Variants in PTPRM observed in about 807,000 individuals in gnomAD.
PTPRM encodes the protein protein tyrosine phosphatase receptor type M.
A neutral mutation model predicts 186.7 loss-of-function variants in PTPRM; 47 were observed. The observed-to-expected ratio is 0.25, with a 90% CI of 0.20 to 0.32. The LOEUF (loss-of-function observed/expected upper bound fraction) is 0.32, where lower values mean the gene tolerates loss of function less well. PTPRM is among the 10% of genes least tolerant of loss of function. PTPRM has a pLI of 1.00. For missense variants in PTPRM, 1,494 were observed against 1,865.0 expected (o/e 0.80, Z 3.66); for synonymous variants, 668 against 674.9 (o/e 0.99, Z 0.16).
chr18:8,398,998 A>G (rs2095858489), intron 32 of PTPRM, among the ~76,000 whole-genome samples: 1 of 152,218 alleles, frequency 6.6e-6, no homozygotes, highest in Non-Finnish European at 1.5e-5. Context: ...AAATATACTG[A>G]AAACCACTGA....
intron 31 of PTPRM, among the ~76,000 whole-genome samples, chr18:8,390,935 A>AAATAATAATAATAATAAT (rs71356213): frequency 3.5e-5 from 5 of 143,376 alleles, no homozygotes; most frequent in South Asian, 2.2e-4. Context: ...CTCAAAAAGA[A>AAATAATAATAATAATAAT]AATAATAATA....
chr18:7,788,616 C>G (rs567428659), intron 2 of PTPRM, among the ~76,000 whole-genome samples: 1 of 152,054 alleles, frequency 6.6e-6, no homozygotes, highest in African/African-American at 2.4e-5. Flanking sequence ...CAAAATGATA[C>G]AAAGGTGGCT....
chr18:7,718,378 G>T (rs1264709938), intron 1 of PTPRM, among the ~76,000 whole-genome samples: 1 of 152,092 alleles, frequency 6.6e-6, no homozygotes, highest in Non-Finnish European at 1.5e-5. Flanking sequence ...AATGAAAGTG[G>T]ATCCTCATCT....
At position 7,882,319 on chromosome 18, in the gene PTPRM, T is replaced by A. The variant is rs73941024; in HGVS notation, c.197-5787T>A. On this transcript the variant is annotated intron_variant, in intron 2 of 32. Transcript: ENST00000580170. ...CTGAGATGCACTGGACTTTTTTTTT[T>A]AAAAAAACAACAACAACTGGTTTTT... 4.7e-3 allele frequency among the ~76,000 whole-genome samples: 709 copies of A among 151,952 alleles called. 5 individuals are homozygous for A. The highest frequency in any genetic ancestry group is 0.014 in the South Asian group (69 of 4,792).
intron 2 of PTPRM, among the ~76,000 whole-genome samples, chr18:7,827,151 A>G (rs1449391893): frequency 6.6e-6 from 1 of 152,188 alleles, no homozygotes; most frequent in Non-Finnish European, 1.5e-5. Context: ...TGTTCAGGGC[A>G]CTAAGGTTTG....
chr18:7,667,059 G>C (rs1174330474), intron 1 of PTPRM, among the ~76,000 whole-genome samples: 12 of 152,214 alleles, frequency 7.9e-5, no homozygotes. Context: ...ATTAAGCACA[G>C]TTACTTGACT....
At chr18:7,906,439 A>G (rs2049987390) in intron 3 of PTPRM, 66 bp from the exon 4 acceptor site, 3 of 1,202,196 alleles carry the variant, frequency 2.5e-6, no homozygotes, top group South Asian at 1.2e-5. Flanking sequence ...TGTCTTATAT[A>G]TAGGAGATAC....
intron 14 of PTPRM, among the ~76,000 whole-genome samples, chr18:8,194,536 C>A (rs1478402803): frequency 6.6e-6 from 1 of 152,184 alleles, no homozygotes; most frequent in Non-Finnish European, 1.5e-5. Context: ...CAGGCAGGCC[C>A]CTTTATGAAT....
At chr18:7,877,534 T>C (rs1012305822) in intron 2 of PTPRM, among the ~76,000 whole-genome samples, 1 of 152,220 alleles carries the variant, frequency 6.6e-6, no homozygotes, top group African/African-American at 2.4e-5. Context: ...TTTTGACATA[T>C]ATCTATTCTA....
intron 14 of PTPRM, among the ~76,000 whole-genome samples, chr18:8,151,770 C>T (rs963912131): frequency 7.2e-5 from 11 of 151,812 alleles, no homozygotes; most frequent in Non-Finnish European, 1.3e-4. Context: ...GCTTGAAACC[C>T]GGGGCCCTGG....
At chr18:7,972,544 CT>C (rs1455223310) in intron 7 of PTPRM, among the ~76,000 whole-genome samples, 1 of 132,324 alleles carries the variant, frequency 7.6e-6, no homozygotes, top group Non-Finnish European at 1.6e-5. Flanking sequence ...TTCTAAAGGG[CT>C]TTTTAGAAAT....
chr18:8,008,904 C>T (rs1296897697), intron 7 of PTPRM, among the ~76,000 whole-genome samples: 1 of 152,126 alleles, frequency 6.6e-6, no homozygotes, highest in Admixed American at 6.6e-5. Context: ...AAGAGAAATC[C>T]TGAGTAAATA....
chr18:8,032,492 C>T (rs553485879), intron 7 of PTPRM, among the ~76,000 whole-genome samples: 1 of 152,030 alleles, frequency 6.6e-6, no homozygotes, highest in Admixed American at 6.6e-5. Context: ...AGAAATACTA[C>T]AATAAATGGA....
chr18:7,929,554 T>C (rs1412578060), intron 5 of PTPRM, among the ~76,000 whole-genome samples: 3 of 152,218 alleles, frequency 2.0e-5, no homozygotes, highest in Non-Finnish European at 4.4e-5. Flanking sequence ...CTTTGTGATG[T>C]TAGAATAATT....
At chr18:7,975,967 A>C (rs1301813238) in intron 7 of PTPRM, among the ~76,000 whole-genome samples, 3 of 152,086 alleles carry the variant, frequency 2.0e-5, no homozygotes, top group Admixed American at 6.6e-5. Context: ...TCAGGTGTTC[A>C]AGACCAGCCT....
At chr18:8,014,738 C>T (rs1402170703) in intron 7 of PTPRM, among the ~76,000 whole-genome samples, 1 of 152,210 alleles carries the variant, frequency 6.6e-6, no homozygotes, top group Non-Finnish European at 1.5e-5. Context: ...TTGTGCGTAT[C>T]TCACATATGT....
intron 7 of PTPRM, among the ~76,000 whole-genome samples, chr18:8,008,094 C>T (rs1052960978): frequency 2.6e-5 from 4 of 152,264 alleles, no homozygotes; most frequent in African/African-American, 9.6e-5. Context: ...AGTGTTTGCA[C>T]TTTGGCTATT....
At chr18:7,926,174 G>C (rs1175009692) in intron 4 of PTPRM, among the ~76,000 whole-genome samples, 1 of 152,100 alleles carries the variant, frequency 6.6e-6, no homozygotes. Flanking sequence ...ACTTCTTACT[G>C]TTCTTTTCAT....
intron 1 of PTPRM, among the ~76,000 whole-genome samples, chr18:7,704,190 A>G (rs1163607514): frequency 6.6e-6 from 1 of 152,212 alleles, no homozygotes; most frequent in Non-Finnish European, 1.5e-5. Flanking sequence ...GCCTTAAAAA[A>G]TGAGTTAGGG....
Sources: gnomAD v4.1 joint callset for allele counts (sites outside exome capture counted in the v4.1 genomes callset) on GRCh38, gnomAD v4.1.1 for gene constraint, MANE v1.5 for transcripts, NCBI Gene and HGNC (gene_info 2026-07-23, HGNC 2026-07-21) for gene names.